The following RANBP2 variants were observed in gnomAD, a reference collection of about 807,000 sequenced individuals.
The protein encoded by RANBP2 is RAN binding protein 2.
RANBP2 carries 57 observed loss-of-function variants against 303.6 expected under a neutral mutation model. The ratio of observed to expected loss-of-function variants is 0.19; its 90% CI spans 0.15 to 0.23. The LOEUF (loss-of-function observed/expected upper bound fraction) is 0.23, where lower values mean the gene tolerates loss of function less well. RANBP2 is among the 10% of genes least tolerant of loss of function. The pLI is 1.00. For missense variants in RANBP2, 3,138 were observed against 3,780.8 expected, an observed-to-expected ratio of 0.83 and a Z score of 4.46; for synonymous variants, 1,167 against 1,301.5, an observed-to-expected ratio of 0.90 and a Z score of 2.23.
the RANBP2 span, chr2:108,930,820 C>A: frequency 1.1e-6 from 1 of 901,130 alleles, no homozygotes; most frequent in Non-Finnish European, 1.8e-6. Context: ...GCTTTGCAGG[C>A]CTGGTTTCAT....
the RANBP2 span, among the ~76,000 whole-genome samples, chr2:109,175,567 C>T: frequency 6.6e-6 from 1 of 152,184 alleles, no homozygotes; most frequent in Non-Finnish European, 1.5e-5. Context: ...TGTGGCTGCT[C>T]AGGTGCAGGA....
chr2:109,449,243 A>T, the RANBP2 span: 1 of 1,612,598 alleles, frequency 6.2e-7, no homozygotes, highest in African/African-American at 1.3e-5. Context: ...AGAACTCTCC[A>T]TCCCGCCTGC....
At chr2:109,305,246 C>T in the RANBP2 span, among the ~76,000 whole-genome samples, 1 of 152,130 alleles carries the variant, frequency 6.6e-6, no homozygotes, top group Non-Finnish European at 1.5e-5. Context: ...GACGGTTTCC[C>T]CCTGGGAAGT....
At chr2:109,730,132 C>G in the RANBP2 span, among the ~76,000 whole-genome samples, 1 of 152,188 alleles carries the variant, frequency 6.6e-6, no homozygotes, top group Non-Finnish European at 1.5e-5. Context: ...GGTGGGGACA[C>G]AGAGCCAAAC....
chr2:108,798,461 G>C, the RANBP2 span: 60 of 1,613,466 alleles, frequency 3.7e-5, no homozygotes, highest in Non-Finnish European at 5.1e-5. Flanking sequence ...ATTTGCTGAA[G>C]AACTTCAAAA....
the RANBP2 span, chr2:109,251,359 G>A: frequency 3.0e-5 from 18 of 593,430 alleles, no homozygotes; most frequent in Admixed American, 1.7e-4. Flanking sequence ...GGCCTGCCGC[G>A]GGAGCATGAG....
At chr2:108,809,796 T>TTTTG in the RANBP2 span, among the ~76,000 whole-genome samples, 1,514 of 150,786 alleles carry the variant, frequency 0.01, 21 homozygotes, top group African/African-American at 0.035. Flanking sequence ...CATTTCCAAT[T>TTTTG]TTTGTTTGTT....
At chr2:109,677,106 C>G in the RANBP2 span, among the ~76,000 whole-genome samples, 1 of 152,162 alleles carries the variant, frequency 6.6e-6, no homozygotes, top group African/African-American at 2.4e-5. Flanking sequence ...GCCCTCTCAT[C>G]AGCACCTCCT....
the RANBP2 span, among the ~76,000 whole-genome samples, chr2:109,568,515 G>A: frequency 2.0e-5 from 3 of 151,808 alleles, no homozygotes; most frequent in East Asian, 1.9e-4. Flanking sequence ...GGGATTACAG[G>A]CACCTCAATC....
At chr2:108,913,808 G>T in the RANBP2 span, among the ~76,000 whole-genome samples, 1 of 151,984 alleles carries the variant, frequency 6.6e-6, no homozygotes, top group Non-Finnish European at 1.5e-5. Flanking sequence ...AAATTAGCCG[G>T]GCGTGGTGGC....
the RANBP2 span, among the ~76,000 whole-genome samples, chr2:109,323,557 C>A: frequency 6.6e-6 from 1 of 152,206 alleles, no homozygotes; most frequent in African/African-American, 2.4e-5. Context: ...GGGCATAAGT[C>A]TGAGCCCCCA....
intron 24 of RANBP2, among the ~76,000 whole-genome samples, chr2:108,776,258 AATTAT>A (rs1301514442): frequency 2.6e-5 from 4 of 152,104 alleles, no homozygotes; most frequent in South Asian, 2.1e-4. Flanking sequence ...ATATTGTTTG[AATTAT>A]ATTATCACTC....
the RANBP2 span, among the ~76,000 whole-genome samples, chr2:108,887,396 T>C: frequency 2.0e-5 from 3 of 152,306 alleles, no homozygotes; most frequent in East Asian, 5.8e-4. Context: ...GATTGCTTTT[T>C]TGATTCTGTG....
chr2:109,682,506 T>C, the RANBP2 span, among the ~76,000 whole-genome samples: 2,469 of 152,212 alleles, frequency 0.016, 66 homozygotes, highest in African/African-American at 0.056. Flanking sequence ...CTCCCTGGTA[T>C]GGTATTTTGA....
chr2:108,758,452 G>T lies in RANBP2; in HGVS notation c.2506G>T (p.Ala836Ser). 1 of 1,611,440 alleles carries T rather than the reference G, an allele frequency of 6.2e-7. No individual in the cohort carries two copies. The highest frequency in any genetic ancestry group is 1.1e-5 in the South Asian group (1 of 90,968). The stretch of plus-strand genomic sequence containing the variant: ...GTTGAAACTAAATAGCAGTAACTCA[G>T]CATCCCCTCATCGTTGGCCCACAGA... ...QELKLNSSNSASPHRWPTENY... is the reference protein window; with the variant it reads ...QELKLNSSNSSSPHRWPTENY... Residue 836 changes from alanine to serine, a missense_variant, in exon 18 of 29, where the codon GCA (alanine) becomes TCA (serine). Physicochemically the swap from Ala to Ser is moderately conservative, Grantham distance 99. Transcript: ENST00000283195.
At chr2:108,932,528 CAAAAAA>C in the RANBP2 span, among the ~76,000 whole-genome samples, 58 of 39,152 alleles carry the variant, frequency 1.5e-3, no homozygotes, top group Non-Finnish European at 2.3e-3. Flanking sequence ...GACTCTGTCT[CAAAAAA>C]AAAAAAAAAA....
At chr2:109,692,073 T>C in the RANBP2 span, among the ~76,000 whole-genome samples, 1 of 152,200 alleles carries the variant, frequency 6.6e-6, no homozygotes, top group Non-Finnish European at 1.5e-5. Flanking sequence ...TGAGCCACCA[T>C]GCCCGGCCCA....
At position 108,753,119 on chromosome 2, in the gene RANBP2, T is replaced by C. The variant is rs1312379333; in HGVS notation, c.1877T>C (p.Ile626Thr). ...IKKKNSIPEP[I>T]DPLFKHFHSV... The stretch of plus-strand genomic sequence containing the variant: ...AAGAAGAACAGTATTCCTGAACCTA[T>C]TGATCCTCTGTTTAAACATTTTCAT... Residue 626 changes from isoleucine to threonine, a missense_variant, in exon 13 of 29, where the codon ATT (isoleucine) becomes ACT (threonine). Ile to Thr is a moderately conservative substitution (Grantham distance 89). Around this residue, in one of 20 missense-constraint regions of RANBP2, gnomAD observed 162 missense variants for 286.9 expected, o/e 0.56. Coordinates refer to ENST00000283195, the MANE Select transcript of RANBP2 (RefSeq NM_006267.5). 6 of 1,609,764 alleles carry C rather than the reference T, an allele frequency of 3.7e-6. No individual in the cohort carries two copies. The highest frequency in any genetic ancestry group is 5.1e-6 in the Non-Finnish European group (6 of 1,179,252).
At chr2:109,708,502 A>C in the RANBP2 span, among the ~76,000 whole-genome samples, 1 of 152,022 alleles carries the variant, frequency 6.6e-6, no homozygotes, top group Non-Finnish European at 1.5e-5. Context: ...TACAAAAAGT[A>C]AAAAAATTAG....
Sources: gnomAD v4.1 joint callset for allele counts (sites outside exome capture counted in the v4.1 genomes callset) on GRCh38, gnomAD v4.1.1 for gene constraint, gnomAD v4.1.1 regional missense constraint, MANE v1.5 for transcripts, NCBI Gene and HGNC (gene_info 2026-07-23, HGNC 2026-07-21) for gene names.